FAM168A: variants seen among roughly 807,000 people sequenced by gnomAD.
FAM168A encodes family with sequence similarity 168 member A.
FAM168A carries 3 observed loss-of-function variants against 28.5 expected under a neutral mutation model. That is an observed-to-expected ratio of 0.11 (90% confidence interval 0.05 to 0.27). The LOEUF (loss-of-function observed/expected upper bound fraction) is 0.27. Among genes scored for constraint, FAM168A ranks in the 10% least tolerant of loss-of-function variants. The pLI is 1.00. For missense variants in FAM168A, 222 were observed against 311.5 expected (o/e 0.71, Z 2.16); for synonymous variants, 122 against 124.2 (o/e 0.98, Z 0.12).
chr11:73,561,956 T>C (rs1943963914), intron 1 of FAM168A, among the ~76,000 whole-genome samples: 1 of 152,176 alleles, frequency 6.6e-6, no homozygotes, highest in East Asian at 1.9e-4. Flanking sequence ...CTTTTTTTTT[T>C]TCCAAAGACT....
At chr11:73,506,473 G>GT (rs1274950286) in intron 1 of FAM168A, among the ~76,000 whole-genome samples, 2 of 151,894 alleles carry the variant, frequency 1.3e-5, no homozygotes, top group African/African-American at 4.8e-5. Context: ...TATTTTCTCT[G>GT]TATGTTTTGC....
intron 1 of FAM168A, among the ~76,000 whole-genome samples, chr11:73,486,020 C>T (rs1868048341): frequency 6.6e-6 from 1 of 152,252 alleles, no homozygotes; most frequent in Middle Eastern, 3.4e-3. Flanking sequence ...TCTACCAATA[C>T]CTTAGAATCA....
intron 1 of FAM168A, among the ~76,000 whole-genome samples, chr11:73,514,198 C>T (rs1160062160): frequency 6.6e-6 from 1 of 151,774 alleles, no homozygotes; most frequent in Non-Finnish European, 1.5e-5. Flanking sequence ...GGCCACTGTA[C>T]TCCAGCCTGG....
chr11:73,414,080 G>A (rs975853532), intron 4 of FAM168A, among the ~76,000 whole-genome samples: 8 of 152,162 alleles, frequency 5.3e-5, no homozygotes, highest in African/African-American at 1.9e-4. Context: ...AGGTGGGGAG[G>A]TGAACTGTGA....
chr11:73,564,508 G>A (rs559838195), intron 1 of FAM168A, among the ~76,000 whole-genome samples: 1 of 151,968 alleles, frequency 6.6e-6, no homozygotes, highest in East Asian at 1.9e-4. Flanking sequence ...GGAGGCCAAG[G>A]TGGGCAGATC....
chr11:73,584,036 A>C (rs1944279881), intron 1 of FAM168A, among the ~76,000 whole-genome samples: 1 of 152,200 alleles, frequency 6.6e-6, no homozygotes, highest in Non-Finnish European at 1.5e-5. Flanking sequence ...CCTGATCAAA[A>C]TGTAAGTAAA....
chr11:73,597,328 A>T (rs879620855), intron 1 of FAM168A, among the ~76,000 whole-genome samples: 4 of 151,368 alleles, frequency 2.6e-5, no homozygotes, highest in African/African-American at 4.9e-5. Context: ...ACAAACACCC[A>T]CTTCAAGCTT....
intron 1 of FAM168A, among the ~76,000 whole-genome samples, chr11:73,500,861 G>T (rs528493899): frequency 9.2e-5 from 14 of 152,214 alleles, no homozygotes; most frequent in African/African-American, 3.4e-4. Flanking sequence ...ATGTAAATGG[G>T]CTAAATGCCC....
intron 2 of FAM168A, among the ~76,000 whole-genome samples, chr11:73,448,988 C>CT (rs1352219367): frequency 6.6e-6 from 1 of 151,610 alleles, no homozygotes; most frequent in African/African-American, 2.4e-5. Flanking sequence ...CTTTCTTTCT[C>CT]TTTTTGAGAT....
intron 1 of FAM168A, among the ~76,000 whole-genome samples, chr11:73,587,256 C>T (rs761488538): frequency 4.0e-5 from 6 of 151,586 alleles, no homozygotes; most frequent in African/African-American, 1.5e-4. Flanking sequence ...TTTGGGAGGC[C>T]GAGGTGGGCG....
At chr11:73,540,901 C>T (rs2134676528) in intron 1 of FAM168A, among the ~76,000 whole-genome samples, 1 of 152,260 alleles carries the variant, frequency 6.6e-6, no homozygotes, top group Admixed American at 6.5e-5. Flanking sequence ...ATCAAATATT[C>T]ATTGAATAAA....
intron 2 of FAM168A, among the ~76,000 whole-genome samples, chr11:73,459,926 G>A (rs546376039): frequency 7.0e-6 from 1 of 143,066 alleles, no homozygotes; most frequent in East Asian, 2.0e-4. Flanking sequence ...TGTTGCCCAG[G>A]CTGGAGTGCA....
At chr11:73,564,272 CA>C (rs1943992490) in intron 1 of FAM168A, among the ~76,000 whole-genome samples, 1 of 152,168 alleles carries the variant, frequency 6.6e-6, no homozygotes, top group African/African-American at 2.4e-5. Context: ...TGAAGCAAAG[CA>C]GGGGGGAGGT....
chr11:73,446,437 G>C (rs1867316109), intron 2 of FAM168A, among the ~76,000 whole-genome samples: 2 of 152,074 alleles, frequency 1.3e-5, no homozygotes, highest in South Asian at 4.2e-4. Flanking sequence ...AAATGCCCAA[G>C]AACTAGAAAA....
intron 1 of FAM168A, among the ~76,000 whole-genome samples, chr11:73,577,911 C>T (rs917412673): frequency 6.6e-5 from 10 of 152,170 alleles, no homozygotes; most frequent in African/African-American, 2.2e-4. Context: ...GGGCCTTAAG[C>T]TGCCTAAATG....
chr11:73,440,987 G>A (rs1867183585), intron 2 of FAM168A, among the ~76,000 whole-genome samples: 1 of 151,378 alleles, frequency 6.6e-6, no homozygotes, highest in Admixed American at 6.6e-5. Context: ...GAAACAGAAA[G>A]ATGTTCAACC....
chr11:73,567,583 C>T (rs1487229590), intron 1 of FAM168A, among the ~76,000 whole-genome samples: 1 of 152,206 alleles, frequency 6.6e-6, no homozygotes, highest in African/African-American at 2.4e-5. Flanking sequence ...AGACACTCCC[C>T]TACCACAACC....
intron 1 of FAM168A, among the ~76,000 whole-genome samples, chr11:73,470,248 A>G (rs571604409): frequency 1.3e-5 from 2 of 152,214 alleles, no homozygotes; most frequent in African/African-American, 2.4e-5. Context: ...CTGTCAAGTG[A>G]CATGCAAATG....
At chr11:73,422,770 G>A (rs1224530974) in intron 3 of FAM168A, among the ~76,000 whole-genome samples, 2 of 149,904 alleles carry the variant, frequency 1.3e-5, no homozygotes, top group Admixed American at 6.6e-5. Context: ...CCGTCTATAT[G>A]TTATCCCTCA....
Sources: gnomAD v4.1 joint callset for allele counts (sites outside exome capture counted in the v4.1 genomes callset) on GRCh38, gnomAD v4.1.1 for gene constraint, MANE v1.5 for transcripts, NCBI Gene and HGNC (gene_info 2026-07-23, HGNC 2026-07-21) for gene names.